The following GNL3L variants were observed in gnomAD, a reference collection of about 807,000 sequenced individuals.
GNL3L encodes the protein guanine nucleotide-binding protein-like 3-like protein.
In GNL3L, 4 loss-of-function variants were observed where a neutral mutation model predicts 42.9. That is an observed-to-expected ratio of 0.09 (90% CI 0.05 to 0.21). The LOEUF (loss-of-function observed/expected upper bound fraction) is 0.21. Ranked by LOEUF, GNL3L falls within the 10% of genes least tolerant of loss-of-function variation. GNL3L has a pLI of 1.00. For synonymous variants in GNL3L, 159 were observed against 176.3 expected, an observed-to-expected ratio of 0.90 and a Z score of 0.78; for missense variants, 412 against 481.7, an observed-to-expected ratio of 0.86 and a Z score of 1.36.
At chrX:54,621,767 C>T (rs1398569134), downstream of GNL3L, among the ~76,000 whole-genome samples, 1 of 110,638 alleles carries the variant, frequency 9.0e-6, no homozygotes, top group Non-Finnish European at 1.9e-5. Flanking sequence ...GCTCACCCCA[C>T]TGCACTCCAG....
intron 5 of GNL3L, 141 bp downstream of exon 5, chrX:54,541,530 C>T (rs1018975647): frequency 2.5e-5 from 9 of 354,425 alleles, no homozygotes; most frequent in South Asian, 2.4e-4. Context: ...TGGGGACGGA[C>T]GAAGGGAGGG....
intron 16 of GNL3L, among the ~76,000 whole-genome samples, chrX:54,617,340 T>TA (rs1402594072): frequency 8.9e-6 from 1 of 112,080 alleles, no homozygotes; most frequent in African/African-American, 3.2e-5. Flanking sequence ...TGTTCACACT[T>TA]ACGTTTCCTC....
intron 16 of GNL3L, among the ~76,000 whole-genome samples, chrX:54,602,719 C>A (rs1926017963): frequency 9.0e-6 from 1 of 111,629 alleles, no homozygotes; most frequent in Non-Finnish European, 1.9e-5. Flanking sequence ...TAACAAGATA[C>A]TTCAGGTAGT....
chrX:54,625,289 G>GT (rs757281556), downstream of GNL3L, among the ~76,000 whole-genome samples: 2,810 of 73,472 alleles, frequency 0.038, 43 homozygotes, highest in African/African-American at 0.053. Context: ...GTTTTGTTTT[G>GT]TTTTTTTTTT....
chrX:54,603,186 G>A (rs780556868), intron 16 of GNL3L, among the ~76,000 whole-genome samples: 1 of 111,021 alleles, frequency 9.0e-6, no homozygotes, highest in Non-Finnish European at 1.9e-5. Context: ...GGGACAATAT[G>A]AGATTCAAAA....
At chrX:54,633,544 C>T in the GNL3L span, among the ~76,000 whole-genome samples, 218 of 111,301 alleles carry the variant, frequency 2.0e-3, no homozygotes, top group Non-Finnish European at 3.1e-3. Context: ...TTAGGCAAGT[C>T]TGAGCTCAGA....
chrX:54,556,118 C>G (rs150401828), intron 14 of GNL3L, among the ~76,000 whole-genome samples: 315 of 110,947 alleles, frequency 2.8e-3, no homozygotes, highest in African/African-American at 9.8e-3. Flanking sequence ...TCAAGGAAGT[C>G]TTGCTTGAGT....
intron 13 of GNL3L, among the ~76,000 whole-genome samples, chrX:54,553,523 C>T (rs1020544629): frequency 8.9e-6 from 1 of 111,859 alleles, no homozygotes; most frequent in African/African-American, 3.2e-5. Flanking sequence ...AGTCAGCCCC[C>T]TTTCTGAATT....
chrX:54,626,409 T>C (rs1156955795), downstream of GNL3L, among the ~76,000 whole-genome samples: 1 of 112,180 alleles, frequency 8.9e-6, no homozygotes, highest in Non-Finnish European at 1.9e-5. Flanking sequence ...ATATACCATG[T>C]TTTCTTTATC....
the GNL3L span, among the ~76,000 whole-genome samples, chrX:54,630,077 T>A: frequency 1.8e-5 from 2 of 110,673 alleles, no homozygotes; most frequent in East Asian, 5.6e-4. Context: ...TGATCTTTTG[T>A]ATTTTTGTGG....
Position 54,564,402 on chromosome X carries a change from C to CTTTTTTTTTTTTTTTTTT in GNL3L, c.*3803_*3820dup, listed in dbSNP as rs567172499. 1.6e-4 allele frequency among the ~76,000 whole-genome samples: 13 copies of CTTTTTTTTTTTTTTTTTT among 80,795 alleles called. No homozygotes were observed. The highest frequency in any genetic ancestry group is 6.5e-4 in the African/African-American group (13 of 20,078). 70.2% of individuals were successfully genotyped at this position (80,795 alleles called of 115,157 possible). A position where few individuals can be genotyped will look rare whatever the true frequency, so the allele number is the denominator to read the frequency against. On this transcript the variant is annotated 3_prime_UTR_variant, in exon 16 of 16. Transcript: ENST00000360845. ...AGTCACTGGTTTTTTTCTTCGTTCT[C>CTTTTTTTTTTTTTTTTTT]TTTTTTTTTTTTTTTTTTTTGAGAC...
intron 8 of GNL3L, among the ~76,000 whole-genome samples, chrX:54,546,695 G>A (rs984229792): frequency 1.8e-5 from 2 of 111,846 alleles, no homozygotes; most frequent in African/African-American, 3.3e-5. Flanking sequence ...TGCCCAGGCC[G>A]GAGTGGGATG....
At chrX:54,550,369 A>G (rs1458645836) in intron 9 of GNL3L, among the ~76,000 whole-genome samples, 1 of 110,733 alleles carries the variant, frequency 9.0e-6, no homozygotes, top group East Asian at 2.9e-4. Context: ...TCTTTAGGCA[A>G]TCAGCTTTCT....
chrX:54,605,224 A>G (rs17250521), intron 16 of GNL3L, among the ~76,000 whole-genome samples: 2,228 of 112,091 alleles, frequency 0.02, 30 homozygotes, highest in Non-Finnish European at 0.03. Flanking sequence ...AGACACAGTC[A>G]AAATCCCTTA....
At chrX:54,559,861 G>A (rs1043197893) in intron 15 of GNL3L, among the ~76,000 whole-genome samples, 2 of 112,006 alleles carry the variant, frequency 1.8e-5, no homozygotes, top group South Asian at 7.3e-4. Context: ...TCTTGGCCTG[G>A]CTCCACACTG....
At chrX:54,629,911 T>C in the GNL3L span, among the ~76,000 whole-genome samples, 1 of 111,895 alleles carries the variant, frequency 8.9e-6, no homozygotes, top group African/African-American at 3.2e-5. Context: ...TGGCAATTTT[T>C]TATTTTCATT....
At chrX:54,642,616 G>C in the GNL3L span, among the ~76,000 whole-genome samples, 1 of 110,967 alleles carries the variant, frequency 9.0e-6, no homozygotes, top group African/African-American at 3.3e-5. Flanking sequence ...TGCTTTTCCA[G>C]TGGCTGGCTC....
chrX:54,544,178 T>A lies in GNL3L; in HGVS notation c.527-45T>A, dbSNP rs767483862. On this transcript the variant is annotated intron_variant, in intron 7 of 15. Coordinates refer to ENST00000360845, the MANE Select transcript of GNL3L (RefSeq NM_001184819.2). ...GTGTCTTTGGAGGGAACCATGGAGG[T>A]GTTGTTCTGCTTACCAGCCCCATCT... The A allele has an allele frequency of 1.3e-5, 9 of 701,146 alleles. 1 individual carries two copies. The East Asian group carries it at 2.9e-4, about 23-fold the overall frequency. 57.8% of individuals were successfully genotyped at this position (701,146 alleles called of 1,213,427 possible).
chrX:54,563,738 AT>A lies in GNL3L; in HGVS notation c.*3138del, dbSNP rs766599602. On this transcript the variant is annotated 3_prime_UTR_variant, in exon 16 of 16. Coordinates refer to ENST00000360845, the MANE Select transcript of GNL3L (RefSeq NM_001184819.2). ...GAGGTCGATGCTGCATTGAGCCGAG[AT>A]TGTGCCACTGCTCTCCAGCGTGGGC... 1.9e-5 allele frequency among the ~76,000 whole-genome samples: 2 copies of A among 105,490 alleles called. No homozygotes were observed. The highest frequency in any genetic ancestry group is 3.8e-5 in the Non-Finnish European group (2 of 52,806). The allele number at this position is 105,490 out of a possible 115,157, so 91.6% of individuals were successfully genotyped here. A position where few individuals can be genotyped will look rare whatever the true frequency, so the allele number is the denominator to read the frequency against.
Sources: gnomAD v4.1 joint callset for allele counts (sites outside exome capture counted in the v4.1 genomes callset) on GRCh38, gnomAD v4.1.1 for gene constraint, MANE v1.5 for transcripts, NCBI Gene and HGNC (gene_info 2026-07-23, HGNC 2026-07-21) for gene names.